Variants in DLGAP2 observed in about 807,000 individuals in gnomAD.
DLGAP2 encodes disks large-associated protein 2.
A neutral mutation model predicts 100.3 loss-of-function variants in DLGAP2; 26 were observed. That is an observed-to-expected ratio of 0.26 (90% CI 0.19 to 0.36). The LOEUF (loss-of-function observed/expected upper bound fraction) is 0.36. Among genes scored for constraint, DLGAP2 ranks in the 10% least tolerant of loss-of-function variants. DLGAP2 has a pLI of 1.00. For synonymous variants in DLGAP2, 886 were observed against 630.1 expected (o/e 1.41, Z -6.08); for missense variants, 1,858 against 1,453.2 (o/e 1.28, Z -4.53).
intron 2 of DLGAP2, among the ~76,000 whole-genome samples, chr8:1,055,915 A>T (rs1802868901): frequency 6.6e-6 from 1 of 152,184 alleles, no homozygotes; most frequent in Non-Finnish European, 1.5e-5. Flanking sequence ...TGTCAGGAAT[A>T]ATAATACCTG....
chr8:962,960 G>T (rs969587269), intron 2 of DLGAP2, among the ~76,000 whole-genome samples: 2 of 152,230 alleles, frequency 1.3e-5, no homozygotes, highest in South Asian at 4.1e-4. Context: ...CAGGAGGCAG[G>T]TCTTAGGTTC....
chr8:1,524,690 T>C (rs1457675358), intron 4 of DLGAP2, among the ~76,000 whole-genome samples: 1 of 152,136 alleles, frequency 6.6e-6, no homozygotes, highest in Non-Finnish European at 1.5e-5. Context: ...AAAAACCTTC[T>C]CATTGCCTTT....
intron 2 of DLGAP2, among the ~76,000 whole-genome samples, chr8:960,080 T>C (rs912660872): frequency 4.7e-4 from 71 of 152,064 alleles, no homozygotes; most frequent in African/African-American, 1.7e-3. Context: ...GGCTCTAAGT[T>C]TAAAAGGTTT....
At chr8:1,065,281 G>C (rs1332674852) in intron 2 of DLGAP2, among the ~76,000 whole-genome samples, 1 of 152,208 alleles carries the variant, frequency 6.6e-6, no homozygotes, top group Non-Finnish European at 1.5e-5. Context: ...TTTTATTCAA[G>C]ATTATTTCAA....
intron 2 of DLGAP2, among the ~76,000 whole-genome samples, chr8:1,178,927 C>G (rs528379496): frequency 6.6e-6 from 1 of 152,296 alleles, no homozygotes; most frequent in African/African-American, 2.4e-5. Flanking sequence ...CCTGGGCACA[C>G]CGGCCTCTGC....
intron 3 of DLGAP2, among the ~76,000 whole-genome samples, chr8:1,271,034 T>G (rs933236029): frequency 2.0e-5 from 3 of 152,188 alleles, no homozygotes; most frequent in African/African-American, 7.2e-5. Context: ...ATGACCCATT[T>G]CCTAATATTG....
intron 3 of DLGAP2, among the ~76,000 whole-genome samples, chr8:1,422,860 G>C (rs1324082974): frequency 2.0e-5 from 3 of 152,174 alleles, no homozygotes; most frequent in East Asian, 3.9e-4. Flanking sequence ...GTTGGATGCT[G>C]TGCTGTTCCA....
chr8:1,152,567 A>G (rs1479441879), intron 2 of DLGAP2, among the ~76,000 whole-genome samples: 1 of 151,770 alleles, frequency 6.6e-6, no homozygotes, highest in Non-Finnish European at 1.5e-5. Context: ...AGCAGTGAGT[A>G]AGGTGGTGGT....
chr8:1,209,658 C>G (rs975188295), intron 2 of DLGAP2, among the ~76,000 whole-genome samples: 3 of 152,198 alleles, frequency 2.0e-5, no homozygotes, highest in Non-Finnish European at 4.4e-5. Flanking sequence ...GAGTAACCTC[C>G]TATTCCAAGC....
intron 1 of DLGAP2, among the ~76,000 whole-genome samples, chr8:832,536 G>A (rs1200444054): frequency 6.6e-6 from 1 of 152,136 alleles, no homozygotes; most frequent in African/African-American, 2.4e-5. Flanking sequence ...TGAATCCACT[G>A]TTGTATTTAC....
intron 2 of DLGAP2, among the ~76,000 whole-genome samples, chr8:1,049,986 ACATGCACAGG>A: frequency 6.6e-6 from 1 of 152,338 alleles, no homozygotes; most frequent in South Asian, 2.1e-4. Flanking sequence ...ACGTGTATGC[ACATGCACAGG>A]CAGGCACATG....
intron 2 of DLGAP2, among the ~76,000 whole-genome samples, chr8:1,048,656 A>T (rs1802586483): frequency 6.6e-6 from 1 of 151,876 alleles, no homozygotes; most frequent in African/African-American, 2.4e-5. Context: ...ACATGCCTTG[A>T]TGTGGGTGCT....
chr8:1,529,985 A>G (rs1800935115), intron 4 of DLGAP2, among the ~76,000 whole-genome samples: 1 of 152,216 alleles, frequency 6.6e-6, no homozygotes, highest in Non-Finnish European at 1.5e-5. Context: ...GAATACCACA[A>G]GGCAAGTGGA....
rs140733008 is a variant in DLGAP2, at chr8:1,225,280, G to A, written c.74-33571G>A. On this transcript the variant is annotated intron_variant, in intron 2 of 14. Transcript: ENST00000637795. ...GTGAGGGATTGGTAGATGTTACAGC[G>A]GAGGAAGGACCTCAGAAACCTTATG... 4.5e-3 allele frequency among the ~76,000 whole-genome samples: 678 copies of A among 152,316 alleles called. 6 individuals are homozygous for A. The highest frequency in any genetic ancestry group is 0.013 in the South Asian group (65 of 4,822).
chr8:1,377,283 G>A (rs963272532), intron 3 of DLGAP2, among the ~76,000 whole-genome samples: 14 of 152,214 alleles, frequency 9.2e-5, no homozygotes, highest in Non-Finnish European at 1.6e-4. Context: ...AGTGGCTCAC[G>A]CCTGTAATCC....
chr8:745,139 G>A (rs919196341), intron 1 of DLGAP2, among the ~76,000 whole-genome samples: 1 of 152,332 alleles, frequency 6.6e-6, no homozygotes, highest in African/African-American at 2.4e-5. Flanking sequence ...CACAGCGGCA[G>A]GTTCTTTACC....
chr8:1,466,189 C>G (rs199526474), intron 3 of DLGAP2, among the ~76,000 whole-genome samples: 1 of 152,126 alleles, frequency 6.6e-6, no homozygotes, highest in Non-Finnish European at 1.5e-5. Flanking sequence ...TCAGAGGGGT[C>G]AAACCGACAG....
intron 2 of DLGAP2, among the ~76,000 whole-genome samples, chr8:1,017,876 C>A (rs1367156137): frequency 6.6e-6 from 1 of 152,234 alleles, no homozygotes; most frequent in Non-Finnish European, 1.5e-5. Flanking sequence ...CTGTGGCCTG[C>A]ATCCTGCCAC....
intron 1 of DLGAP2, among the ~76,000 whole-genome samples, chr8:789,780 T>C (rs569131291): frequency 5.6e-4 from 85 of 152,316 alleles, no homozygotes; most frequent in Middle Eastern, 6.8e-3. Context: ...AAGCCGGCAA[T>C]GCAGTTTAGA....
Sources: allele counts gnomAD v4.1 joint callset (sites outside exome capture counted in the v4.1 genomes callset), GRCh38; gene constraint gnomAD v4.1.1; transcripts MANE v1.5; gene names NCBI Gene and HGNC (gene_info 2026-07-23, HGNC 2026-07-21).